The following RHOT1 variants were observed in gnomAD, a reference collection of about 807,000 sequenced individuals.
RHOT1 encodes the protein ras homolog family member T1.
A neutral mutation model predicts 95.3 loss-of-function variants in RHOT1; 27 were observed. That is an observed-to-expected ratio of 0.28 (90% CI 0.21 to 0.39). The LOEUF (loss-of-function observed/expected upper bound fraction) is 0.39. Ranked by LOEUF, RHOT1 falls within the 10% of genes least tolerant of loss-of-function variation. RHOT1 has a pLI of 1.00. For synonymous variants in RHOT1, 227 were observed against 263.5 expected, an observed-to-expected ratio of 0.86 and a Z score of 1.34; for missense variants, 578 against 786.7, an observed-to-expected ratio of 0.73 and a Z score of 3.17.
At chr17:32,216,259 A>G (rs73268547) in intron 19 of RHOT1, among the ~76,000 whole-genome samples, 1,671 of 151,908 alleles carry the variant, frequency 0.011, 30 homozygotes, top group African/African-American at 0.038. Context: ...TCATTTTTTG[A>G]TACTCTCAAT....
intron 1 of RHOT1, among the ~76,000 whole-genome samples, chr17:32,157,200 C>T (rs922545598): frequency 1.3e-5 from 2 of 152,240 alleles, no homozygotes; most frequent in African/African-American, 4.8e-5. Context: ...ACATTGTCCT[C>T]TCTTTTCCTC....
intron 8 of RHOT1, among the ~76,000 whole-genome samples, chr17:32,185,709 CTTTTTTTT>C (rs57965854): frequency 1.6e-5 from 2 of 126,752 alleles, no homozygotes; most frequent in Non-Finnish European, 3.4e-5. Flanking sequence ...TGCCCGGCCT[CTTTTTTTT>C]TTTTTTTTTT....
chr17:32,157,581 T>G (rs1019946372), intron 1 of RHOT1, among the ~76,000 whole-genome samples: 1 of 151,630 alleles, frequency 6.6e-6, no homozygotes, highest in Non-Finnish European at 1.5e-5. Context: ...TCGAGGCGGG[T>G]GCATCATGAG....
chr17:32,155,228 C>T (rs533167511), intron 1 of RHOT1, among the ~76,000 whole-genome samples: 21 of 151,536 alleles, frequency 1.4e-4, no homozygotes, highest in African/African-American at 3.9e-4. Flanking sequence ...GGCGCGATCT[C>T]GGCTCACTGC....
intron 11 of RHOT1, among the ~76,000 whole-genome samples, chr17:32,195,571 C>CA (rs774895213): frequency 2.6e-5 from 4 of 152,282 alleles, no homozygotes; most frequent in South Asian, 4.1e-4. Context: ...GATCTGGCCT[C>CA]AGAGTTTTCA....
At chr17:32,155,054 A>G (rs973818074) in intron 1 of RHOT1, among the ~76,000 whole-genome samples, 5 of 152,192 alleles carry the variant, frequency 3.3e-5, no homozygotes, top group Non-Finnish European at 7.3e-5. Flanking sequence ...ACTGCACTGC[A>G]GCCTGGACAA....
chr17:32,193,319 G>A, intron 10 of RHOT1, 75 bp downstream of exon 10: 2 of 868,998 alleles, frequency 2.3e-6, no homozygotes, highest in South Asian at 1.4e-5. Flanking sequence ...GGTCTTTATT[G>A]CATTATTTAT....
intron 2 of RHOT1, 52 bp from the exon 3 acceptor site, chr17:32,173,779 G>A: frequency 4.3e-6 from 5 of 1,176,146 alleles, no homozygotes; most frequent in Non-Finnish European, 6.2e-6. Context: ...ACAAGTTTGA[G>A]TGATAATATT....
intron 11 of RHOT1, 21 bp from the exon 12 acceptor site, chr17:32,198,926 A>G: frequency 6.8e-7 from 1 of 1,470,248 alleles, no homozygotes; most frequent in Non-Finnish European, 9.4e-7. Context: ...GATTTATTTT[A>G]CTCTTGAATT....
intron 19 of RHOT1, among the ~76,000 whole-genome samples, chr17:32,223,804 T>C (rs1281006107): frequency 6.6e-6 from 1 of 152,230 alleles, no homozygotes; most frequent in East Asian, 1.9e-4. Flanking sequence ...GACCTTTTCT[T>C]TAGAGCTTTA....
At chr17:32,176,372 A>G (rs1489152596) in intron 6 of RHOT1, among the ~76,000 whole-genome samples, 159 bp downstream of exon 6, 2 of 152,072 alleles carry the variant, frequency 1.3e-5, no homozygotes, top group Non-Finnish European at 2.9e-5. Context: ...CTGTCTGTTC[A>G]TACACACACC....
At chr17:32,214,791 T>C (rs994139625) in intron 19 of RHOT1, among the ~76,000 whole-genome samples, 3 of 151,918 alleles carry the variant, frequency 2.0e-5, no homozygotes, top group Admixed American at 2.0e-4. Flanking sequence ...ATAGGGAGGG[T>C]TCTCACCTAA....
intron 8 of RHOT1, among the ~76,000 whole-genome samples, chr17:32,183,683 G>GT (rs1333415720): frequency 6.6e-6 from 1 of 151,860 alleles, no homozygotes. Flanking sequence ...TTTTGTTTTT[G>GT]TTTTTTTTCT....
chr17:32,185,754 T>G (rs899385367), intron 8 of RHOT1, among the ~76,000 whole-genome samples: 4 of 148,974 alleles, frequency 2.7e-5, no homozygotes, highest in Non-Finnish European at 4.5e-5. Context: ...AAGATCTTAC[T>G]TTGTGGCCCA....
intron 8 of RHOT1, among the ~76,000 whole-genome samples, chr17:32,185,372 A>C (rs2035962720): frequency 6.6e-6 from 1 of 152,062 alleles, no homozygotes; most frequent in South Asian, 2.1e-4. Flanking sequence ...AGCCTCCCAA[A>C]GTGCTGGAAT....
At chr17:32,193,608 T>C (rs976473701) in intron 10 of RHOT1, among the ~76,000 whole-genome samples, 3 of 152,230 alleles carry the variant, frequency 2.0e-5, no homozygotes, top group Admixed American at 6.5e-5. Context: ...TTTACCAGTA[T>C]AGAATGTTCC....
At chr17:32,197,893 G>A (rs2037022934) in intron 11 of RHOT1, among the ~76,000 whole-genome samples, 1 of 151,060 alleles carries the variant, frequency 6.6e-6, no homozygotes, top group African/African-American at 2.4e-5. Flanking sequence ...GTTTTTGTTT[G>A]TTTTTATGTT....
intron 16 of RHOT1, among the ~76,000 whole-genome samples, chr17:32,206,066 GATGTGTACC>G (rs1239865384): frequency 6.6e-6 from 1 of 152,006 alleles, no homozygotes; most frequent in Non-Finnish European, 1.5e-5. Flanking sequence ...TAACTTCTTA[GATGTGTACC>G]ATGGGCAGCT....
chr17:32,216,136 A>C (rs773609273), intron 19 of RHOT1, among the ~76,000 whole-genome samples: 9 of 152,096 alleles, frequency 5.9e-5, no homozygotes, highest in Non-Finnish European at 1.2e-4. Flanking sequence ...TATTACTCTG[A>C]CTTGAGAACA....
Sources: allele counts gnomAD v4.1 joint callset (sites outside exome capture counted in the v4.1 genomes callset), GRCh38; gene constraint gnomAD v4.1.1; transcripts MANE v1.5; gene names NCBI Gene and HGNC (gene_info 2026-07-23, HGNC 2026-07-21).